The following VPS37A variants were observed in gnomAD, a reference collection of about 807,000 sequenced individuals.
VPS37A encodes VPS37A subunit of ESCRT-I.
VPS37A carries 30 observed loss-of-function variants against 49.8 expected under a neutral mutation model. The ratio of observed to expected loss-of-function variants is 0.60; its 90% CI spans 0.45 to 0.82. VPS37A has a LOEUF of 0.82. Among genes scored for constraint, VPS37A ranks in the 40% least tolerant of loss-of-function variants. VPS37A has a pLI of 0.00. For missense variants in VPS37A, 593 were observed against 464.4 expected (o/e 1.28, Z -2.55); for synonymous variants, 195 against 160.6 (o/e 1.21, Z -1.62).
At chr8:17,320,476 C>A in the VPS37A span, among the ~76,000 whole-genome samples, 1 of 152,036 alleles carries the variant, frequency 6.6e-6, no homozygotes, top group South Asian at 2.1e-4. Context: ...TTAAAGCTGG[C>A]CCCAGGAGCA....
chr8:17,302,306 A>G (rs764850597), downstream of VPS37A: 3 of 1,608,040 alleles, frequency 1.9e-6, no homozygotes, highest in East Asian at 6.7e-5. Context: ...AAGCGTCGTG[A>G]TACCACCTTA....
At chr8:17,310,906 C>A in the VPS37A span, among the ~76,000 whole-genome samples, 4 of 152,124 alleles carry the variant, frequency 2.6e-5, no homozygotes, top group Admixed American at 2.6e-4. Context: ...CCATCCCAGG[C>A]AACTATATAC....
chr8:17,318,218 C>T, the VPS37A span, among the ~76,000 whole-genome samples: 1 of 152,080 alleles, frequency 6.6e-6, no homozygotes, highest in Admixed American at 6.6e-5. Flanking sequence ...TCCTTATGCA[C>T]GGAAGCCCCC....
chr8:17,258,877 G>A (rs545084539), intron 1 of VPS37A, among the ~76,000 whole-genome samples: 10 of 151,944 alleles, frequency 6.6e-5, no homozygotes, highest in African/African-American at 2.2e-4. Context: ...CTTTCTTTTA[G>A]GCTTTCCAGT....
At chr8:17,331,448 A>T in the VPS37A span, among the ~76,000 whole-genome samples, 1 of 152,246 alleles carries the variant, frequency 6.6e-6, no homozygotes, top group Non-Finnish European at 1.5e-5. Flanking sequence ...ACATAGCTTC[A>T]GGGACTCCTG....
intron 4 of VPS37A, among the ~76,000 whole-genome samples, chr8:17,271,121 T>A (rs756719118): frequency 2.6e-5 from 4 of 152,332 alleles, no homozygotes; most frequent in Non-Finnish European, 2.9e-5. Flanking sequence ...TGATTCTTCA[T>A]AGAGTAATTT....
intron 6 of VPS37A, among the ~76,000 whole-genome samples, chr8:17,277,190 A>T (rs528581026): frequency 1.3e-5 from 2 of 152,184 alleles, no homozygotes; most frequent in South Asian, 4.1e-4. Flanking sequence ...GTAGTTTAAA[A>T]AGAGTTTAAA....
downstream of VPS37A, chr8:17,301,995 T>C: frequency 1.1e-6 from 1 of 901,464 alleles, no homozygotes; most frequent in Non-Finnish European, 1.6e-6. Flanking sequence ...TGGGCTTCGG[T>C]TATCTGAGTC....
intron 6 of VPS37A, among the ~76,000 whole-genome samples, chr8:17,278,207 G>C (rs1178078342): frequency 6.6e-6 from 1 of 152,002 alleles, no homozygotes; most frequent in Non-Finnish European, 1.5e-5. Flanking sequence ...CATCCTATGA[G>C]GCAGCAGTGA....
chr8:17,282,348 A>G (rs2150406793), intron 9 of VPS37A, among the ~76,000 whole-genome samples: 1 of 152,226 alleles, frequency 6.6e-6, no homozygotes, highest in South Asian at 2.1e-4. Flanking sequence ...AATACACAGA[A>G]AGTTTATTAC....
At chr8:17,302,364 T>C (rs1817173725), downstream of VPS37A, 2 of 1,429,988 alleles carry the variant, frequency 1.4e-6, no homozygotes, top group Admixed American at 2.4e-5. Context: ...GTATCTATGA[T>C]ACCACAGTCT....
chr8:17,305,520 T>C (rs754749329), downstream of VPS37A, among the ~76,000 whole-genome samples: 62 of 152,192 alleles, frequency 4.1e-4, no homozygotes, highest in Admixed American at 5.9e-4. Context: ...GCATCAAGTC[T>C]GTCAAGCTGT....
chr8:17,275,351 A>G (rs1185837234), intron 5 of VPS37A, among the ~76,000 whole-genome samples: 1 of 152,234 alleles, frequency 6.6e-6, no homozygotes, highest in Non-Finnish European at 1.5e-5. Flanking sequence ...GCATGCATTT[A>G]TGCTTGAGGC....
intron 1 of VPS37A, among the ~76,000 whole-genome samples, chr8:17,252,705 C>T (rs1812087737): frequency 6.6e-6 from 1 of 152,136 alleles, no homozygotes; most frequent in African/African-American, 2.4e-5. Context: ...GCAATTCACT[C>T]CCTGTTGGAC....
At chr8:17,265,658 G>C in intron 1 of VPS37A, 3 of 931,696 alleles carry the variant, frequency 3.2e-6, no homozygotes, top group Non-Finnish European at 4.7e-6. Flanking sequence ...TTAATGAAGA[G>C]TTTTTTCTTG....
chr8:17,280,722 A>G (rs1814979322), intron 9 of VPS37A, among the ~76,000 whole-genome samples: 1 of 152,044 alleles, frequency 6.6e-6, no homozygotes, highest in African/African-American at 2.4e-5. Flanking sequence ...TAACACTTGT[A>G]GTGAAACCTA....
At chr8:17,327,903 C>T in the VPS37A span, among the ~76,000 whole-genome samples, 3 of 152,286 alleles carry the variant, frequency 2.0e-5, no homozygotes, top group African/African-American at 7.2e-5. Context: ...TTCATCTATA[C>T]AGTACAGATA....
downstream of VPS37A, among the ~76,000 whole-genome samples, chr8:17,305,522 T>C (rs1817390293): frequency 6.6e-6 from 1 of 152,168 alleles, no homozygotes; most frequent in Admixed American, 6.5e-5. Context: ...ATCAAGTCTG[T>C]CAAGCTGTCT....
intron 6 of VPS37A, among the ~76,000 whole-genome samples, chr8:17,277,748 G>A (rs1339201754): frequency 6.6e-6 from 1 of 151,538 alleles, no homozygotes; most frequent in Admixed American, 6.6e-5. Context: ...ATATTTTTGT[G>A]GGCAGTTTGT....
Sources: allele counts gnomAD v4.1 joint callset (sites outside exome capture counted in the v4.1 genomes callset), GRCh38; gene constraint gnomAD v4.1.1; transcripts MANE v1.5; gene names NCBI Gene and HGNC (gene_info 2026-07-23, HGNC 2026-07-21).